Variants in APOE observed in about 807,000 individuals in gnomAD.
The protein encoded by APOE is apolipoprotein E3.
Under a neutral mutation model 13.1 loss-of-function variants are expected in APOE, and 10 were observed. The ratio of observed to expected loss-of-function variants is 0.76; its 90% CI spans 0.47 to 1.29. APOE has a LOEUF of 1.29. Ranked by LOEUF, APOE falls within the 50% of genes most tolerant of loss-of-function variation. The pLI, the probability that APOE is intolerant of heterozygous loss-of-function variation, is 0.00. For synonymous variants in APOE, 211 were observed against 207.1 expected, an observed-to-expected ratio of 1.02 and a Z score of -0.16; for missense variants, 471 against 459.6, an observed-to-expected ratio of 1.02 and a Z score of -0.23.
At position 44,909,133 on chromosome 19, in the gene APOE, C is replaced by G. The variant is rs1192584041; in HGVS notation, c.837C>G (p.Leu279=). 1 of 1,601,290 alleles carries G rather than the reference C, an allele frequency of 6.2e-7. No homozygotes were observed. Among genetic ancestry groups the G allele is most frequent in the East Asian group, 2.2e-5 (1 of 44,760 alleles). Reference sequence around the variant, plus strand: ...AGGCCGAGGCCTTCCAGGCCCGCCTCAAGAGCTGGTTCGAGCCCCTGGTGG... The same window carrying G: ...AGGCCGAGGCCTTCCAGGCCCGCCTGAAGAGCTGGTTCGAGCCCCTGGTGG... ...RLQAEAFQAR[L]KSWFEPLVED... Residue 279 remains leucine, a synonymous_variant, in exon 4 of 4, where the codon CTC becomes CTG. Coordinates refer to ENST00000252486, the MANE Select transcript of APOE (RefSeq NM_000041.4).
chr19:44,909,318 G>A lies in APOE; in HGVS notation c.*68G>A, dbSNP rs1599955074. 5.7e-5 allele frequency: 84 copies of A among 1,460,960 alleles called. No individual in the cohort carries two copies. In the East Asian group the frequency reaches 1.8e-3, roughly 31 times the overall value. 90.5% of individuals were successfully genotyped at this position (1,460,960 alleles called of 1,614,324 possible). ...CTCCTGCCTCCGCGCAGCCTGCAGCGGGAGACCCTGTCCCCGCCCCAGCCG... is the reference window on the plus strand; with the variant it reads ...CTCCTGCCTCCGCGCAGCCTGCAGCAGGAGACCCTGTCCCCGCCCCAGCCG... On this transcript the variant is annotated 3_prime_UTR_variant, in exon 4 of 4. Coordinates refer to ENST00000252486, the MANE Select transcript of APOE (RefSeq NM_000041.4).
In APOE at chr19:44,908,867, G is replaced by T; in HGVS notation, c.571G>T (p.Gly191Cys). The T allele has an allele frequency of 1.3e-6, 2 of 1,518,522 alleles. No individual in the cohort carries two copies. The highest frequency in any genetic ancestry group is 1.8e-6 in the Non-Finnish European group (2 of 1,138,160). 94.1% of individuals were successfully genotyped at this position (1,518,522 alleles called of 1,614,324 possible). The stretch of plus-strand genomic sequence containing the variant: ...CGGGGCCCGCGAGGGCGCCGAGCGC[G>T]GCCTCAGCGCCATCCGCGAGCGCCT... Reference protein sequence around the residue: ...QAGAREGAERGLSAIRERLGP... With the variant: ...QAGAREGAERCLSAIRERLGP... The change falls in exon 4 of 4, where the codon GGC becomes TGC. Residue 191 changes from glycine to cysteine, a missense_variant. Transcript: ENST00000252486.
rs1270059098 is a variant in APOE at position 44,906,634 on chromosome 19, C to T, written c.10C>T (p.Leu4=). The T allele has an allele frequency of 6.2e-7, 1 of 1,614,132 alleles. No homozygotes were observed. The highest frequency in any genetic ancestry group is 1.7e-5 in the Admixed American group (1 of 60,016). Reference sequence around the variant, plus strand: ...AATCACAGGCAGGAAGATGAAGGTTCTGTGGGCTGCGTTGCTGGTCACATT... The same window carrying T: ...AATCACAGGCAGGAAGATGAAGGTTTTGTGGGCTGCGTTGCTGGTCACATT... MKV[L]WAALLVTFLA... The change falls in exon 2 of 4, where the codon CTG becomes TTG. Residue 4 remains leucine (L), a synonymous_variant. Coordinates refer to ENST00000252486, the MANE Select transcript of APOE (RefSeq NM_000041.4).
chr19:44,906,369 G>A lies in APOE; in HGVS notation c.-23-233G>A, dbSNP rs1969806841. ...GGATGGAATTTGAACCCCGGGAGAG[G>A]AAGATGGAATTTTCTATGGAGGCCG... On this transcript the variant is annotated intron_variant, in intron 1 of 3. Coordinates refer to ENST00000252486, the MANE Select transcript of APOE (RefSeq NM_000041.4). The A allele has an allele frequency of 3.4e-5, 20 of 584,240 alleles. 1 individual carries two copies. In the East Asian group the frequency reaches 5.8e-4, roughly 17 times the overall value. The allele number at this position is 584,240 out of a possible 1,614,324, so 36.2% of individuals were successfully genotyped here.
rs7412 is a variant in APOE at position 44,908,822 on chromosome 19, C to T, written c.526C>T (p.Arg176Cys). ...LLRDADDLQK[R>C]LAVYQAGARE... ...CCGCGATGCCGATGACCTGCAGAAG[C>T]GCCTGGCAGTGTACCAGGCCGGGGC... Residue 176 changes from arginine to cysteine, a missense_variant, in exon 4 of 4, where the codon CGC becomes TGC. Arg to Cys is a radical substitution (Grantham distance 180). Coordinates refer to ENST00000252486, the MANE Select transcript of APOE (RefSeq NM_000041.4). 0.074 allele frequency: 114,390 copies of T among 1,540,810 alleles called. 4,609 individuals are homozygous for T. The highest frequency in any genetic ancestry group is 0.11 in the African/African-American group (7,729 of 73,224).
intron 2 of APOE, 50 bp downstream of exon 2, chr19:44,906,717 C>G (rs2122129208): frequency 6.3e-7 from 1 of 1,584,756 alleles, no homozygotes; most frequent in South Asian, 1.1e-5. Context: ...CCCTCTCATC[C>G]TCACCTCAAC....
intron 3 of APOE, 72 bp from the exon 4 acceptor site, chr19:44,908,461 T>A: frequency 6.6e-7 from 1 of 1,511,842 alleles, no homozygotes; most frequent in Non-Finnish European, 9.2e-7. Context: ...CTCATCCCCA[T>A]CTCGCCCGCC....
In APOE at chr19:44,908,534, G is replaced by C; in HGVS notation, c.238G>C (p.Ala80Pro). ...LSSQVTQELR[A>P]LMDETMKELK... ...ACCCTCCCGCCCTCTCGGCCGCAGG[G>C]CGCTGATGGACGAGACCATGAAGGA... The change falls in exon 4 of 4, where the codon GCG becomes CCG. Residue 80 changes from alanine (A) to proline (P), a missense_variant and splice_region_variant. Physicochemically the swap from Ala to Pro is conservative, Grantham distance 27. Transcript: ENST00000252486. 1 of 1,613,686 alleles carries C rather than the reference G, an allele frequency of 6.2e-7. No homozygotes were observed. Among genetic ancestry groups the C allele is most frequent in the Non-Finnish European group, 8.5e-7 (1 of 1,179,716 alleles).
At chr19:44,908,465 G>C in intron 3 of APOE, 68 bp from the exon 4 acceptor site, 1 of 1,530,424 alleles carries the variant, frequency 6.5e-7, no homozygotes, top group Non-Finnish European at 9.0e-7. Flanking sequence ...TCCCCATCTC[G>C]CCCGCCCCAT....
chr19:44,908,728 C>G lies in APOE; in HGVS notation c.432C>G (p.Leu144=). Residue 144 remains leucine, a synonymous_variant, in exon 4 of 4, where the codon CTC becomes CTG. Transcript: ENST00000252486. ...VQYRGEVQAM[L]GQSTEELRVR... ...ACCGCGGCGAGGTGCAGGCCATGCT[C>G]GGCCAGAGCACCGAGGAGCTGCGGG... 6.4e-7 allele frequency: 1 copy of G among 1,560,184 alleles called. No individual in the cohort carries two copies. The highest frequency in any genetic ancestry group is 8.7e-7 in the Non-Finnish European group (1 of 1,153,096).
intron 3 of APOE, 118 bp downstream of exon 3, chr19:44,908,070 A>G: frequency 1.0e-6 from 1 of 958,020 alleles, no homozygotes; most frequent in Non-Finnish European, 1.6e-6. Flanking sequence ...TGCTGGTTCT[A>G]GCTTCCTCTT....
chr19:44,906,903 T>A, intron 2 of APOE: 1 of 578,194 alleles, frequency 1.7e-6, no homozygotes, highest in Non-Finnish European at 3.1e-6. Flanking sequence ...TTTTTTGAGA[T>A]GAAGTCTCGC....
chr19:44,907,989 G>A lies in APOE; in HGVS notation c.236+37G>A. On this transcript the variant is annotated intron_variant, in intron 3 of 3. Coordinates refer to ENST00000252486, the MANE Select transcript of APOE (RefSeq NM_000041.4). This position sits in a 1 kb window ranked among gnomAD's most constrained non-coding sequence, Gnocchi z 4.1. ...CATCCTGGCCCTTGACCCTCCTGGT[G>A]GGCGGCTATACCTCCCCAGGTCCAG... The A allele has an allele frequency of 6.3e-7, 1 of 1,599,598 alleles. No homozygotes were observed.
chr19:44,907,862 G>A lies in APOE; in HGVS notation c.146G>A (p.Gly49Asp), dbSNP rs1599952025. The A allele has an allele frequency of 6.2e-7, 1 of 1,614,046 alleles. No individual in the cohort carries two copies. Among genetic ancestry groups the A allele is most frequent in the South Asian group, 1.1e-5 (1 of 91,086 alleles). ...GGCCAGCGCTGGGAACTGGCACTGG[G>A]TCGCTTTTGGGATTACCTGCGCTGG... ...QSGQRWELAL[G>D]RFWDYLRWVQ... Residue 49 changes from glycine (G) to aspartate (D), a missense_variant, in exon 3 of 4, where the codon GGT becomes GAT. By Grantham distance (94) the Gly-to-Asp change is moderately conservative. Coordinates refer to ENST00000252486, the MANE Select transcript of APOE (RefSeq NM_000041.4). This position sits in a 1 kb window ranked among gnomAD's most constrained non-coding sequence, Gnocchi z 4.1.
chr19:44,909,319 G>C lies in APOE; in HGVS notation c.*69G>C. 6.8e-7 allele frequency: 1 copy of C among 1,463,176 alleles called. No individual in the cohort carries two copies. The highest frequency in any genetic ancestry group is 2.3e-5 in the East Asian group (1 of 43,814). 90.6% of individuals were successfully genotyped at this position (1,463,176 alleles called of 1,614,324 possible). ...TCCTGCCTCCGCGCAGCCTGCAGCG[G>C]GAGACCCTGTCCCCGCCCCAGCCGT... is the stretch of plus-strand genomic sequence containing the variant. On this transcript the variant is annotated 3_prime_UTR_variant, in exon 4 of 4. Coordinates refer to ENST00000252486, the MANE Select transcript of APOE (RefSeq NM_000041.4).
At chr19:44,906,468 T>C in intron 1 of APOE, 134 bp from the exon 2 acceptor site, 1 of 899,594 alleles carries the variant, frequency 1.1e-6, no homozygotes, top group Non-Finnish European at 1.9e-6. Flanking sequence ...GCTTGGTAAA[T>C]GTGCTGGGAT....
In APOE at chr19:44,909,238, C is replaced by T. The variant is rs1051068315; in HGVS notation, c.942C>T (p.Ser314=). The T allele has an allele frequency of 1.9e-5, 30 of 1,596,588 alleles. No homozygotes were observed. The Admixed American group carries it at 2.5e-4, about 13-fold the overall frequency. ...GCACCAGCGCCGCCCCTGTGCCCAG[C>T]GACAATCACTGAACGCCGAAGCCTG... ...AVGTSAAPVP[S]DNH The change falls in exon 4 of 4, where the codon AGC becomes AGT. Residue 314 remains serine (S), a synonymous_variant. Coordinates refer to ENST00000252486, the MANE Select transcript of APOE (RefSeq NM_000041.4).
intron 1 of APOE, 148 bp downstream of exon 1, chr19:44,905,989 C>A: frequency 8.3e-7 from 1 of 1,201,026 alleles, no homozygotes; most frequent in Non-Finnish European, 1.1e-6. Context: ...AGGCAAGCAG[C>A]AGGGGACTGG....
chr19:44,906,636 G>GTGGGC lies in APOE; in HGVS notation c.15_19dup (p.Ala7GlyfsTer74), dbSNP rs778989940. 1 of 1,614,120 alleles carries GTGGGC rather than the reference G, an allele frequency of 6.2e-7. No homozygotes were observed. Among genetic ancestry groups the GTGGGC allele is most frequent in the South Asian group, 1.1e-5 (1 of 91,084 alleles). On this transcript the variant is annotated frameshift_variant, in exon 2 of 4. Transcript: ENST00000252486. LOFTEE classifies it high-confidence loss of function. Reference sequence around the variant, plus strand: ...TCACAGGCAGGAAGATGAAGGTTCTGTGGGCTGCGTTGCTGGTCACATTCC... The same window carrying GTGGGC: ...TCACAGGCAGGAAGATGAAGGTTCTGTGGGCTGGGCTGCGTTGCTGGTCACATTCC...
Sources: allele counts gnomAD v4.1 joint callset, GRCh38; gene constraint gnomAD v4.1.1; non-coding constraint Gnocchi (gnomAD v3.1); transcripts MANE v1.5; gene names NCBI Gene and HGNC (gene_info 2026-07-23, HGNC 2026-07-21).